NALF1: variants seen among roughly 807,000 people sequenced by gnomAD.
NALF1 encodes the protein family with sequence similarity 155 member A.
NALF1 carries 3 observed loss-of-function variants against 48.4 expected under a neutral mutation model. The ratio of observed to expected loss-of-function variants is 0.06; its 90% CI spans 0.03 to 0.16. NALF1 has a LOEUF of 0.16. Among genes scored for constraint, NALF1 ranks in the 10% least tolerant of loss-of-function variants. The pLI is 1.00. For missense variants in NALF1, 526 were observed against 571.5 expected, an observed-to-expected ratio of 0.92 and a Z score of 0.81; for synonymous variants, 262 against 245.7, an observed-to-expected ratio of 1.07 and a Z score of -0.62.
At chr13:107,695,473 TCC>T (rs895464272) in intron 1 of NALF1, among the ~76,000 whole-genome samples, 1 of 152,152 alleles carries the variant, frequency 6.6e-6, no homozygotes, top group Non-Finnish European at 1.5e-5. Context: ...GGTTAATACA[TCC>T]CTTTAAAGGC....
rs770737840 is a variant in NALF1, at chr13:107,292,227, A to C, written c.916-81472T>G. On this transcript the variant is annotated intron_variant, in intron 1 of 2. Transcript: ENST00000375915. The stretch of plus-strand genomic sequence containing the variant: ...ACATAGAAAGGTACTGTAAAAATAC[A>C]GTATAAAAAATAGAAAAAAAACTGA... 3.3e-5 allele frequency among the ~76,000 whole-genome samples: 5 copies of C among 152,342 alleles called. No homozygotes were observed. In the South Asian group the frequency reaches 6.2e-4, roughly 19 times the overall value.
chr13:107,759,343 G>T (rs537194393), intron 1 of NALF1, among the ~76,000 whole-genome samples: 2 of 152,266 alleles, frequency 1.3e-5, no homozygotes, highest in South Asian at 4.1e-4. Flanking sequence ...CGAGTAGCTA[G>T]GACTACAGGT....
chr13:107,762,426 T>A (rs1367605935), intron 1 of NALF1, among the ~76,000 whole-genome samples: 1 of 151,296 alleles, frequency 6.6e-6, no homozygotes, highest in Non-Finnish European at 1.5e-5. Context: ...TAAAGTATAA[T>A]TTTAAAAAAT....
intron 1 of NALF1, among the ~76,000 whole-genome samples, chr13:107,446,521 T>A (rs1226415686): frequency 6.6e-6 from 1 of 152,198 alleles, no homozygotes; most frequent in Non-Finnish European, 1.5e-5. Context: ...CATCTTTTTA[T>A]CCACCATTAT....
intron 1 of NALF1, among the ~76,000 whole-genome samples, chr13:107,261,768 A>G (rs1880931882): frequency 6.6e-6 from 1 of 152,196 alleles, no homozygotes; most frequent in Admixed American, 6.5e-5. Context: ...GACCCTAGAG[A>G]TGAACCTGCC....
chr13:107,498,269 CGTAGAAA>C (rs1875402987), intron 1 of NALF1, among the ~76,000 whole-genome samples: 1 of 150,266 alleles, frequency 6.7e-6, no homozygotes, highest in Non-Finnish European at 1.5e-5. Context: ...CATGTCAAAC[CGTAGAAA>C]GTTCAAACAT....
At chr13:107,794,292 A>G (rs1246781806) in intron 1 of NALF1, among the ~76,000 whole-genome samples, 2 of 152,088 alleles carry the variant, frequency 1.3e-5, no homozygotes, top group African/African-American at 4.8e-5. Context: ...TTTCCTTTCC[A>G]ATCTAAACCA....
At chr13:107,472,613 A>G (rs536590290) in intron 1 of NALF1, among the ~76,000 whole-genome samples, 4 of 152,266 alleles carry the variant, frequency 2.6e-5, no homozygotes, top group South Asian at 4.1e-4. Context: ...TCTGGCCTCC[A>G]TCTTTCTCCC....
intron 1 of NALF1, among the ~76,000 whole-genome samples, chr13:107,648,068 T>C (rs1880356388): frequency 6.6e-6 from 1 of 152,148 alleles, no homozygotes; most frequent in Non-Finnish European, 1.5e-5. Flanking sequence ...GATTTCAGTA[T>C]ACAGAAAAAT....
chr13:107,221,987 CAAA>C (rs1213322369), intron 1 of NALF1, among the ~76,000 whole-genome samples: 1 of 152,132 alleles, frequency 6.6e-6, no homozygotes, highest in Admixed American at 6.5e-5. Flanking sequence ...CAAAGAAGCT[CAAA>C]GAAGGCACTT....
intron 1 of NALF1, among the ~76,000 whole-genome samples, chr13:107,324,256 CAA>C (rs1468819949): frequency 6.6e-6 from 1 of 152,158 alleles, no homozygotes; most frequent in African/African-American, 2.4e-5. Flanking sequence ...TACTTCTAAT[CAA>C]AGACGTATTT....
intron 1 of NALF1, among the ~76,000 whole-genome samples, chr13:107,502,993 GCACTCTTGCAGGCTCAGAGCC>G (rs1442749425): frequency 6.6e-6 from 1 of 152,166 alleles, no homozygotes; most frequent in African/African-American, 2.4e-5. Flanking sequence ...AGCTTTGAGA[GCACTCTTGCAGGCTCAGAGCC>G]CACAGGCTCA....
intron 1 of NALF1, among the ~76,000 whole-genome samples, chr13:107,285,679 G>C (rs770100905): frequency 2.0e-4 from 30 of 151,908 alleles, no homozygotes; most frequent in Non-Finnish European, 3.4e-4. Flanking sequence ...AGTATACAGA[G>C]GATGCATGTA....
At chr13:107,669,391 A>C (rs1880938013) in intron 1 of NALF1, among the ~76,000 whole-genome samples, 1 of 152,156 alleles carries the variant, frequency 6.6e-6, no homozygotes, top group Admixed American at 6.6e-5. Flanking sequence ...TGCTACTGTA[A>C]AACTGCTAAG....
chr13:107,631,881 T>A (rs988679465), intron 1 of NALF1, among the ~76,000 whole-genome samples: 3 of 152,122 alleles, frequency 2.0e-5, no homozygotes, highest in Non-Finnish European at 4.4e-5. Flanking sequence ...AGCCACATAA[T>A]TCTCTCTCGT....
chr13:107,599,315 G>A (rs1454833851), intron 1 of NALF1, among the ~76,000 whole-genome samples: 4 of 152,030 alleles, frequency 2.6e-5, no homozygotes, highest in Admixed American at 6.5e-5. Flanking sequence ...CCAGCTACTC[G>A]GGAGGCTGAG....
chr13:107,578,706 A>G (rs1878220507), intron 1 of NALF1, among the ~76,000 whole-genome samples: 1 of 152,206 alleles, frequency 6.6e-6, no homozygotes, highest in South Asian at 2.1e-4. Flanking sequence ...TATTAAAATG[A>G]GTTATCTTTA....
chr13:107,351,910 C>A (rs1461473424), intron 1 of NALF1, among the ~76,000 whole-genome samples: 3 of 152,166 alleles, frequency 2.0e-5, no homozygotes, highest in Non-Finnish European at 2.9e-5. Flanking sequence ...CAGAAGCGGG[C>A]ACTTCAAAGG....
At chr13:107,544,043 T>C (rs1293523501) in intron 1 of NALF1, among the ~76,000 whole-genome samples, 4 of 152,064 alleles carry the variant, frequency 2.6e-5, no homozygotes, top group Non-Finnish European at 5.9e-5. Context: ...AATCTAAAAG[T>C]CAAAACATAA....
Sources: allele counts gnomAD v4.1 joint callset (sites outside exome capture counted in the v4.1 genomes callset), GRCh38; gene constraint gnomAD v4.1.1; transcripts MANE v1.5; gene names NCBI Gene and HGNC (gene_info 2026-07-23, HGNC 2026-07-21).